Variants in CNTN4 observed in about 807,000 individuals in gnomAD.
The protein encoded by CNTN4 is contactin 4.
In CNTN4, 77 loss-of-function variants were observed where a neutral mutation model predicts 122.5. The ratio of observed to expected loss-of-function variants is 0.63; its 90% confidence interval spans 0.52 to 0.76. The LOEUF (loss-of-function observed/expected upper bound fraction) is 0.76, where lower values mean the gene tolerates loss of function less well. Among genes scored for constraint, CNTN4 ranks in the 30% least tolerant of loss-of-function variants. The pLI, the probability that CNTN4 is intolerant of heterozygous loss-of-function variation, is 0.00. For missense variants in CNTN4, 1,256 were observed against 1,259.1 expected, an observed-to-expected ratio of 1.00 and a Z score of 0.04; for synonymous variants, 512 against 447.0, an observed-to-expected ratio of 1.15 and a Z score of -1.83.
intron 4 of CNTN4, among the ~76,000 whole-genome samples, chr3:2,600,544 G>T (rs989670813): frequency 6.6e-6 from 1 of 152,132 alleles, no homozygotes; most frequent in Non-Finnish European, 1.5e-5. Context: ...CATTTTCTAT[G>T]GCTGCATAGT....
intron 13 of CNTN4, among the ~76,000 whole-genome samples, chr3:2,977,064 A>G (rs1438094209): frequency 4.6e-5 from 7 of 152,216 alleles, no homozygotes; most frequent in Admixed American, 4.6e-4. Flanking sequence ...GATAGGTTGA[A>G]TATATGAATC....
chr3:2,617,684 GT>G (rs1475954463), intron 4 of CNTN4, among the ~76,000 whole-genome samples: 1 of 152,004 alleles, frequency 6.6e-6, no homozygotes, highest in Non-Finnish European at 1.5e-5. Context: ...GCCTCCCAAA[GT>G]GCTGGGATTA....
intron 2 of CNTN4, among the ~76,000 whole-genome samples, chr3:2,241,724 T>C (rs559335204): frequency 3.1e-4 from 47 of 152,286 alleles, no homozygotes; most frequent in African/African-American, 1.1e-3. Context: ...GTACTTCTCT[T>C]CCCCATGTTC....
intron 14 of CNTN4, among the ~76,000 whole-genome samples, chr3:2,999,645 T>A (rs572229847): frequency 7.6e-4 from 116 of 152,198 alleles, no homozygotes; most frequent in African/African-American, 2.7e-3. Context: ...TGTCCTGACA[T>A]GGCAGAGAGG....
chr3:2,719,744 G>A (rs1271011019), intron 4 of CNTN4, among the ~76,000 whole-genome samples: 2 of 152,178 alleles, frequency 1.3e-5, no homozygotes, highest in Admixed American at 6.5e-5. Flanking sequence ...TTTTGAAATA[G>A]AATGAAAAGT....
At chr3:2,729,375 T>C (rs9849495) in intron 4 of CNTN4, among the ~76,000 whole-genome samples, 5,081 of 147,584 alleles carry the variant, frequency 0.034, 313 homozygotes, top group African/African-American at 0.12. Flanking sequence ...CCATCCCGGC[T>C]AACACAAAAT....
At chr3:2,593,361 C>T (rs1029658078) in intron 4 of CNTN4, among the ~76,000 whole-genome samples, 1 of 152,130 alleles carries the variant, frequency 6.6e-6, no homozygotes, top group African/African-American at 2.4e-5. Flanking sequence ...CTCTGTTAAC[C>T]TTCGCAATTA....
chr3:2,572,627 C>A (rs2079476055), intron 4 of CNTN4, among the ~76,000 whole-genome samples: 1 of 152,094 alleles, frequency 6.6e-6, no homozygotes, highest in African/African-American at 2.4e-5. Flanking sequence ...AGAGGGACAC[C>A]TGAATATATT....
intron 14 of CNTN4, among the ~76,000 whole-genome samples, chr3:2,993,003 C>T (rs1391925): frequency 0.042 from 6,308 of 151,432 alleles, 159 homozygotes; most frequent in African/African-American, 0.072. Context: ...GATCCTTATA[C>T]ACATCAGAGT....
chr3:3,052,134 T>G (rs572623460), intron 23 of CNTN4, among the ~76,000 whole-genome samples: 5 of 152,284 alleles, frequency 3.3e-5, no homozygotes, highest in Admixed American at 3.3e-4. Flanking sequence ...CATATTAACA[T>G]CTCCTGATGA....
chr3:3,044,050 A>G (rs148362745), intron 23 of CNTN4, among the ~76,000 whole-genome samples: 2 of 152,254 alleles, frequency 1.3e-5, no homozygotes, highest in East Asian at 3.9e-4. Context: ...TTTTTTAGTC[A>G]ACTTAGTAGC....
chr3:2,966,517 C>A (rs62234360), intron 13 of CNTN4, among the ~76,000 whole-genome samples: 5,669 of 151,918 alleles, frequency 0.037, 128 homozygotes, highest in Middle Eastern at 0.065. Context: ...TTAATGGATA[C>A]GAAAATGTAG....
At chr3:2,981,375 T>C (rs365434) in intron 13 of CNTN4, among the ~76,000 whole-genome samples, 36,323 of 149,694 alleles carry the variant, frequency 0.24, 4,544 homozygotes, top group East Asian at 0.31. Context: ...ACCCAGGAGT[T>C]GGAGCTTGCA....
intron 5 of CNTN4, among the ~76,000 whole-genome samples, chr3:2,739,350 C>T (rs766127468): frequency 2.0e-5 from 3 of 151,448 alleles, no homozygotes; most frequent in South Asian, 4.2e-4. Flanking sequence ...TAAAGGTGCA[C>T]GTACTCTATG....
At position 2,385,165 on chromosome 3, in the gene CNTN4, T is replaced by C. The variant is rs1455606135; in HGVS notation, c.-89+45932T>C. Among the ~76,000 whole-genome samples the C allele has an allele frequency of 3.9e-5, 6 of 152,176 alleles. No homozygotes were observed. The highest frequency in any genetic ancestry group is 8.8e-5 in the Non-Finnish European group (6 of 68,040). ...TCTACTTTAAACCATAATCCATAAC[T>C]CATATCAACAAGGTTAATCCCAAAC... On this transcript the variant is annotated intron_variant, in intron 3 of 24. Transcript: ENST00000418658. The surrounding 1 kb of genome is among the most constrained non-coding windows in gnomAD (Gnocchi z 4.0).
At position 2,834,898 on chromosome 3, in the gene CNTN4, C is replaced by CTTTTTTTTT. The variant is rs71058653; in HGVS notation, c.454+15333_454+15341dup. On this transcript the variant is annotated intron_variant, in intron 7 of 24. Coordinates refer to ENST00000418658, the MANE Select transcript of CNTN4 (RefSeq NM_175607.3). ...AAGCATTAAATTAGATAAAGGCAAC[C>CTTTTTTTTT]TTTTTTTTTTTTTTTTTTTTTTTTG... Among the ~76,000 whole-genome samples, 128 of 60,454 alleles carry CTTTTTTTTT rather than the reference C, an allele frequency of 2.1e-3. 19 individuals are homozygous for CTTTTTTTTT. The highest frequency in any genetic ancestry group is 5.5e-3 in the African/African-American group (73 of 13,260). 39.7% of individuals were successfully genotyped at this position (60,454 alleles called of 152,430 possible).
At chr3:2,754,591 A>G (rs756197938) in intron 6 of CNTN4, among the ~76,000 whole-genome samples, 121 of 152,198 alleles carry the variant, frequency 8.0e-4, no homozygotes, top group Non-Finnish European at 1.5e-3. Flanking sequence ...GGGGAAGGGC[A>G]TAGAAGATGA....
chr3:2,520,386 C>T (rs879895774), intron 3 of CNTN4, among the ~76,000 whole-genome samples: 17 of 148,640 alleles, frequency 1.1e-4, no homozygotes, highest in Non-Finnish European at 2.2e-4. Flanking sequence ...GATTCTTGTG[C>T]CTCAGCCTCC....
chr3:2,323,864 G>A (rs2043355159), intron 2 of CNTN4, among the ~76,000 whole-genome samples: 1 of 152,106 alleles, frequency 6.6e-6, no homozygotes, highest in Non-Finnish European at 1.5e-5. Context: ...TCTATAATAT[G>A]CTTGTGTGTT....
Sources: gnomAD v4.1 joint callset for allele counts (sites outside exome capture counted in the v4.1 genomes callset) on GRCh38, gnomAD v4.1.1 for gene constraint, Gnocchi (gnomAD v3.1) non-coding constraint, MANE v1.5 for transcripts, NCBI Gene and HGNC (gene_info 2026-07-23, HGNC 2026-07-21) for gene names.